The following PAX7 variants were observed in gnomAD, a reference collection of about 807,000 sequenced individuals.
PAX7 encodes paired box protein Pax-7.
A neutral mutation model predicts 50.7 loss-of-function variants in PAX7; 18 were observed. The observed-to-expected ratio is 0.36, with a 90% CI of 0.25 to 0.53. PAX7 has a LOEUF of 0.53. PAX7 is among the 20% of genes least tolerant of loss of function. The pLI, the probability that PAX7 is intolerant of heterozygous loss-of-function variation, is 0.93. For synonymous variants in PAX7, 310 were observed against 290.4 expected, an observed-to-expected ratio of 1.07 and a Z score of -0.69; for missense variants, 644 against 702.9, an observed-to-expected ratio of 0.92 and a Z score of 0.95.
intron 4 of PAX7, among the ~76,000 whole-genome samples, chr1:18,673,805 A>C (rs527399363): frequency 6.6e-6 from 1 of 152,346 alleles, no homozygotes; most frequent in South Asian, 2.1e-4. Context: ...TTTTGGAGCC[A>C]TAATGAAGAC....
intron 4 of PAX7, among the ~76,000 whole-genome samples, chr1:18,674,771 C>T (rs2088801641): frequency 6.6e-6 from 1 of 152,192 alleles, no homozygotes; most frequent in Admixed American, 6.5e-5. Context: ...CACAGAGCAG[C>T]GTGGTCCTGT....
chr1:18,716,340 T>C (rs1045164119), intron 7 of PAX7, among the ~76,000 whole-genome samples: 3 of 152,156 alleles, frequency 2.0e-5, no homozygotes, highest in African/African-American at 7.2e-5. Flanking sequence ...GATAAGGGCC[T>C]GCACTTTCTT....
chr1:18,642,971 G>A (rs947592882), intron 4 of PAX7, among the ~76,000 whole-genome samples: 5 of 151,974 alleles, frequency 3.3e-5, no homozygotes, highest in South Asian at 2.1e-4. Context: ...GGGAGGCGGG[G>A]GCCAAAGGAA....
chr1:18,664,328 A>T (rs1370172367), intron 4 of PAX7, among the ~76,000 whole-genome samples: 3 of 152,210 alleles, frequency 2.0e-5, no homozygotes, highest in African/African-American at 7.2e-5. Flanking sequence ...GGCCCCTGTC[A>T]GCCTATGGCC....
intron 5 of PAX7, among the ~76,000 whole-genome samples, chr1:18,697,796 C>A (rs1186883165): frequency 6.6e-6 from 1 of 152,192 alleles, no homozygotes; most frequent in Non-Finnish European, 1.5e-5. Flanking sequence ...GCTCCTTACC[C>A]AACCTTGCAT....
At chr1:18,633,555 A>C (rs757492093) in intron 1 of PAX7, among the ~76,000 whole-genome samples, 2 of 152,080 alleles carry the variant, frequency 1.3e-5, no homozygotes, top group African/African-American at 2.4e-5. Flanking sequence ...TTAATTTAGG[A>C]GCTTTGGGGC....
chr1:18,690,791 G>A (rs939350690), intron 4 of PAX7, among the ~76,000 whole-genome samples: 3 of 152,238 alleles, frequency 2.0e-5, no homozygotes, highest in Non-Finnish European at 4.4e-5. Context: ...TAGCCTGGGG[G>A]AATCACTCAG....
At chr1:18,727,037 C>T (rs376584796) in intron 7 of PAX7, among the ~76,000 whole-genome samples, 1 of 152,206 alleles carries the variant, frequency 6.6e-6, no homozygotes, top group Non-Finnish European at 1.5e-5. Flanking sequence ...ACACCATGCA[C>T]ACACAGTAGT....
At chr1:18,725,317 C>CAAA (rs1553142839) in intron 7 of PAX7, among the ~76,000 whole-genome samples, 2 of 138,478 alleles carry the variant, frequency 1.4e-5, no homozygotes, top group East Asian at 4.9e-4. Context: ...CCCCCCGCCC[C>CAAA]ACCAACACCG....
intron 7 of PAX7, among the ~76,000 whole-genome samples, chr1:18,721,823 A>T (rs757366694): frequency 2.0e-5 from 3 of 152,256 alleles, no homozygotes; most frequent in Non-Finnish European, 4.4e-5. Context: ...GTGGCAGAGA[A>T]GCAGACCATG....
rs770545876 is a variant in PAX7 at position 18,691,882 on chromosome 1, A to G, written c.715A>G (p.Thr239Ala). 4 of 1,613,924 alleles carry G rather than the reference A, an allele frequency of 2.5e-6. No homozygotes were observed. In the Admixed American group the frequency reaches 6.7e-5, roughly 27 times the overall value. Residue 239 changes from threonine to alanine, a missense_variant, in exon 5 of 9, where the codon ACC becomes GCC. Physicochemically the swap from Thr to Ala is moderately conservative, Grantham distance 58 (BLOSUM62 0). Coordinates refer to ENST00000420770, the MANE Select transcript of PAX7 (RefSeq NM_001135254.2). ...GGAGCTGGAGAAGGCCTTTGAGAGG[A>G]CCCACTACCCAGACATATACACCCG... Reference protein sequence around the residue: ...LEELEKAFERTHYPDIYTREE... With the variant: ...LEELEKAFERAHYPDIYTREE...
At chr1:18,731,092 A>G (rs2089640862) in intron 7 of PAX7, among the ~76,000 whole-genome samples, 2 of 152,230 alleles carry the variant, frequency 1.3e-5, no homozygotes, top group South Asian at 4.1e-4. Context: ...CATTAGTGAA[A>G]GCAAGGTCAC....
In PAX7 at chr1:18,701,890, G is replaced by A. The variant is rs544189923; in HGVS notation, c.952+1072G>A. Among the ~76,000 whole-genome samples, 270 of 152,272 alleles carry A rather than the reference G, an allele frequency of 1.8e-3. 1 individual carries two copies. Among genetic ancestry groups the A allele is most frequent in the African/African-American group, 6.1e-3 (253 of 41,572 alleles). ...GAGGATAGGGGATCAGGGGGCCTTG[G>A]GAGAGGAAAGGAAAGTCTGGGTCTC... On this transcript the variant is annotated intron_variant, in intron 6 of 8. Coordinates refer to ENST00000420770, the MANE Select transcript of PAX7 (RefSeq NM_001135254.2).
chr1:18,661,886 G>A lies in PAX7; in HGVS notation c.586+25515G>A, dbSNP rs564402361. The stretch of plus-strand genomic sequence containing the variant: ...GGCGCCGGGAGGGGGAAGTTAAGCG[G>A]CTGCCTGTTTGTTTATGGGCACAGG... On this transcript the variant is annotated intron_variant, in intron 4 of 8. Coordinates refer to ENST00000420770, the MANE Select transcript of PAX7 (RefSeq NM_001135254.2). Among the ~76,000 whole-genome samples, 93 of 152,360 alleles carry A rather than the reference G, an allele frequency of 6.1e-4. 2 individuals carry two copies. Among genetic ancestry groups the A allele is most frequent in the Admixed American group, 9.8e-4 (15 of 15,306 alleles).
intron 4 of PAX7, among the ~76,000 whole-genome samples, chr1:18,663,667 C>T (rs996673809): frequency 1.3e-5 from 2 of 152,224 alleles, no homozygotes; most frequent in African/African-American, 4.8e-5. Context: ...CAGGCGTGAG[C>T]CACCACAGCC....
chr1:18,686,284 C>T (rs1201703917), intron 4 of PAX7, among the ~76,000 whole-genome samples: 1 of 152,180 alleles, frequency 6.6e-6, no homozygotes, highest in African/African-American at 2.4e-5. Flanking sequence ...GCTCCACATC[C>T]CTGACTAGAG....
intron 4 of PAX7, among the ~76,000 whole-genome samples, chr1:18,643,339 C>G (rs536237535): frequency 6.6e-6 from 1 of 151,736 alleles, no homozygotes; most frequent in African/African-American, 2.4e-5. Flanking sequence ...GCGCTGGGCC[C>G]GAGCTCCGGT....
chr1:18,684,807 C>T (rs529846665), intron 4 of PAX7, among the ~76,000 whole-genome samples: 10 of 152,096 alleles, frequency 6.6e-5, no homozygotes, highest in African/African-American at 9.6e-5. Flanking sequence ...TGGGAGGCTG[C>T]GGGAGAGGGG....
chr1:18,711,367 AC>A (rs1324012506), intron 7 of PAX7, among the ~76,000 whole-genome samples: 1 of 151,518 alleles, frequency 6.6e-6, no homozygotes, highest in Non-Finnish European at 1.5e-5. Flanking sequence ...CCCTCGTCAC[AC>A]CCCCCTCACC....
Sources: gnomAD v4.1 joint callset for allele counts (sites outside exome capture counted in the v4.1 genomes callset) on GRCh38, gnomAD v4.1.1 for gene constraint, MANE v1.5 for transcripts, NCBI Gene and HGNC (gene_info 2026-07-23, HGNC 2026-07-21) for gene names.